FHIP1A: variants seen among roughly 807,000 people sequenced by gnomAD.
The protein encoded by FHIP1A is FHF complex subunit HOOK-interacting protein 1A.
FHIP1A carries 61 observed loss-of-function variants against 88.6 expected under a neutral mutation model. The observed-to-expected ratio is 0.69, with a 90% confidence interval of 0.56 to 0.85. The LOEUF (loss-of-function observed/expected upper bound fraction) is 0.85. Ranked by LOEUF, FHIP1A falls within the 40% of genes least tolerant of loss-of-function variation. The probability of loss-of-function intolerance (pLI) is 0.00; values close to 1 mark genes in which losing one functional copy is unlikely to be tolerated. For missense variants in FHIP1A, 1,154 were observed against 1,273.5 expected, an observed-to-expected ratio of 0.91 and a Z score of 1.43; for synonymous variants, 478 against 496.0, an observed-to-expected ratio of 0.96 and a Z score of 0.48.
intron 11 of FHIP1A, among the ~76,000 whole-genome samples, chr4:151,654,327 C>G (rs1737149427): frequency 6.6e-6 from 1 of 152,036 alleles, no homozygotes; most frequent in Non-Finnish European, 1.5e-5. Flanking sequence ...ATGTGCCCCC[C>G]CACCTCACCC....
At chr4:151,658,371 C>T (rs370034259) in intron 13 of FHIP1A, among the ~76,000 whole-genome samples, 3 of 152,164 alleles carry the variant, frequency 2.0e-5, no homozygotes, top group Non-Finnish European at 2.9e-5. Flanking sequence ...TACCTGGACT[C>T]GCTTGTGTGT....
At position 151,665,219 on chromosome 4, in the gene FHIP1A, G is replaced by A. The variant is rs114356603; in HGVS notation, c.*2465G>A. ...CTTAAAGTCCTGGGCTCAAGTGATC[G>A]TCCCGCCTTGGCCTCCCGAAGTGCT... On this transcript the variant is annotated 3_prime_UTR_variant, in exon 14 of 14. Coordinates refer to ENST00000435205, the MANE Select transcript of FHIP1A (RefSeq NM_001109977.3). 4.5e-3 allele frequency among the ~76,000 whole-genome samples: 683 copies of A among 152,242 alleles called. 3 individuals are homozygous for A. Among genetic ancestry groups the A allele is most frequent in the African/African-American group, 0.016 (653 of 41,544 alleles).
chr4:151,460,001 A>G (rs1480785977), intron 2 of FHIP1A, among the ~76,000 whole-genome samples: 1 of 152,144 alleles, frequency 6.6e-6, no homozygotes, highest in Non-Finnish European at 1.5e-5. Context: ...GCTATTTTGA[A>G]TGCTTATGAT....
chr4:151,665,964 G>A lies in FHIP1A; in HGVS notation c.*3210G>A, dbSNP rs77313479. Reference sequence around the variant, plus strand: ...CCGCTGGCGCAGCCCCTGAGCTGGCGTCACTGCGTCTGGCCTGGGCAGGAA... The same window carrying A: ...CCGCTGGCGCAGCCCCTGAGCTGGCATCACTGCGTCTGGCCTGGGCAGGAA... On this transcript the variant is annotated 3_prime_UTR_variant, in exon 14 of 14. Coordinates refer to ENST00000435205, the MANE Select transcript of FHIP1A (RefSeq NM_001109977.3). Among the ~76,000 whole-genome samples the A allele has an allele frequency of 1.4e-3, 206 of 152,334 alleles. 1 individual carries two copies. The highest frequency in any genetic ancestry group is 4.7e-3 in the African/African-American group (194 of 41,568).
At chr4:151,601,533 C>G (rs1257840692) in intron 7 of FHIP1A, among the ~76,000 whole-genome samples, 4 of 150,664 alleles carry the variant, frequency 2.7e-5, no homozygotes, top group Non-Finnish European at 4.4e-5. Context: ...TTTATTGATC[C>G]TTGTCCTCTG....
intron 3 of FHIP1A, among the ~76,000 whole-genome samples, chr4:151,508,681 ATG>A (rs1730917117): frequency 2.0e-5 from 3 of 152,196 alleles, no homozygotes; most frequent in Admixed American, 2.0e-4. Flanking sequence ...GCTTAGAATC[ATG>A]GGCTTACCAA....
intron 3 of FHIP1A, among the ~76,000 whole-genome samples, chr4:151,560,646 G>A (rs1417163057): frequency 6.6e-6 from 1 of 152,106 alleles, no homozygotes; most frequent in Admixed American, 6.6e-5. Context: ...TGATGTGAAA[G>A]GATGGTGTAT....
chr4:151,436,049 T>A (rs1423451760), intron 1 of FHIP1A, among the ~76,000 whole-genome samples: 2 of 152,166 alleles, frequency 1.3e-5, no homozygotes, highest in Non-Finnish European at 2.9e-5. Flanking sequence ...CTTATTTAGA[T>A]CCTATCTGTA....
In FHIP1A at chr4:151,426,459, G is replaced by T. The variant is rs186873231; in HGVS notation, c.-356+16994G>T. Among the ~76,000 whole-genome samples, 242 of 152,220 alleles carry T rather than the reference G, an allele frequency of 1.6e-3. 1 individual carries two copies. Among genetic ancestry groups the T allele is most frequent in the Non-Finnish European group, 5.6e-4 (38 of 67,998 alleles). On this transcript the variant is annotated intron_variant, in intron 1 of 13. Transcript: ENST00000435205. Reference sequence around the variant, plus strand: ...TTTCTTTGTGCTTCTCAAGAAAAGTGAAGGGTGAATGAAAATCTCTTCACT... The same window carrying T: ...TTTCTTTGTGCTTCTCAAGAAAAGTTAAGGGTGAATGAAAATCTCTTCACT...
At chr4:151,426,959 A>G (rs1449453460) in intron 1 of FHIP1A, among the ~76,000 whole-genome samples, 1 of 152,210 alleles carries the variant, frequency 6.6e-6, no homozygotes, top group African/African-American at 2.4e-5. Context: ...AAAGCAGAGC[A>G]CAGCATTTTT....
intron 3 of FHIP1A, among the ~76,000 whole-genome samples, chr4:151,550,087 A>G (rs1421641389): frequency 1.3e-5 from 2 of 152,024 alleles, no homozygotes; most frequent in African/African-American, 2.4e-5. Flanking sequence ...TTATATTTTT[A>G]AGTTTTTTAT....
intron 1 of FHIP1A, among the ~76,000 whole-genome samples, chr4:151,418,097 A>T (rs149585876): frequency 6.8e-6 from 1 of 147,750 alleles, no homozygotes; most frequent in Admixed American, 6.8e-5. Context: ...ACTTCAGCTC[A>T]GGAGTTTGAG....
intron 7 of FHIP1A, among the ~76,000 whole-genome samples, chr4:151,600,597 G>T (rs1249348492): frequency 6.6e-6 from 1 of 152,156 alleles, no homozygotes; most frequent in Non-Finnish European, 1.5e-5. Flanking sequence ...TATAAATCAT[G>T]ATTCTCTGGT....
At chr4:151,623,652 CTT>C (rs1277700381) in intron 7 of FHIP1A, among the ~76,000 whole-genome samples, 1 of 150,166 alleles carries the variant, frequency 6.7e-6, no homozygotes, top group Admixed American at 6.7e-5. Context: ...CTTTAATCCT[CTT>C]AATACTTTCA....
At chr4:151,481,506 T>C (rs1229526864) in intron 2 of FHIP1A, among the ~76,000 whole-genome samples, 1 of 152,010 alleles carries the variant, frequency 6.6e-6, no homozygotes, top group Non-Finnish European at 1.5e-5. Context: ...CATGTTTATT[T>C]TTTATTTTTT....
At chr4:151,415,078 A>G (rs1345113298) in intron 1 of FHIP1A, among the ~76,000 whole-genome samples, 2 of 152,124 alleles carry the variant, frequency 1.3e-5, no homozygotes, top group Non-Finnish European at 1.5e-5. Context: ...TTTTAACTCA[A>G]TAATATACCT....
At chr4:151,414,693 T>A (rs1406096564) in intron 1 of FHIP1A, among the ~76,000 whole-genome samples, 2 of 152,098 alleles carry the variant, frequency 1.3e-5, no homozygotes, top group Non-Finnish European at 2.9e-5. Flanking sequence ...GTTCTGAGAG[T>A]GAGGATACTA....
chr4:151,655,581 C>G (rs187612806), intron 11 of FHIP1A, among the ~76,000 whole-genome samples: 2 of 152,102 alleles, frequency 1.3e-5, no homozygotes, highest in African/African-American at 4.8e-5. Flanking sequence ...GTGTGGTTAC[C>G]GAGTTGCTAA....
chr4:151,666,627 C>T lies in FHIP1A; in HGVS notation c.*3873C>T, dbSNP rs17027767. Among the ~76,000 whole-genome samples, 5,225 of 152,218 alleles carry T rather than the reference C, an allele frequency of 0.034. 298 individuals are homozygous for T. The highest frequency in any genetic ancestry group is 0.12 in the African/African-American group (4,905 of 41,514). Reference sequence around the variant, plus strand: ...TGGGCAGCCAGTGGGTACTCAGGGTCGAAAGTTGTTTCCAGTGTCTCCAAA... The same window carrying T: ...TGGGCAGCCAGTGGGTACTCAGGGTTGAAAGTTGTTTCCAGTGTCTCCAAA... On this transcript the variant is annotated 3_prime_UTR_variant, in exon 14 of 14. Coordinates refer to ENST00000435205, the MANE Select transcript of FHIP1A (RefSeq NM_001109977.3).
Sources: allele counts gnomAD v4.1 joint callset (sites outside exome capture counted in the v4.1 genomes callset), GRCh38; gene constraint gnomAD v4.1.1; transcripts MANE v1.5; gene names NCBI Gene and HGNC (gene_info 2026-07-23, HGNC 2026-07-21).